PGCKA1: variants seen among roughly 807,000 people sequenced by gnomAD.
PGCKA1 encodes the protein PDCD10 and GCKIII kinases associated 1.
chr4:37,533,551 C>T, the PGCKA1 span, among the ~76,000 whole-genome samples: 1 of 152,152 alleles, frequency 6.6e-6, no homozygotes, highest in African/African-American at 2.4e-5. Flanking sequence ...TATAAATAAG[C>T]AAACATTCTT....
the PGCKA1 span, among the ~76,000 whole-genome samples, chr4:37,543,116 C>A: frequency 1.6e-4 from 24 of 152,308 alleles, no homozygotes; most frequent in South Asian, 5.0e-3. Flanking sequence ...TTTTTCTTTT[C>A]TCAAACGAAA....
chr4:37,573,079 A>T, the PGCKA1 span, among the ~76,000 whole-genome samples: 1 of 152,242 alleles, frequency 6.6e-6, no homozygotes. Context: ...GCTGCATTTC[A>T]AAGTAAGTTG....
chr4:37,509,126 A>G, the PGCKA1 span, among the ~76,000 whole-genome samples: 1 of 150,516 alleles, frequency 6.6e-6, no homozygotes, highest in East Asian at 1.9e-4. Flanking sequence ...TCTTCCCCAC[A>G]TTTCCCCCTT....
At chr4:37,493,051 GATATAT>G in the PGCKA1 span, among the ~76,000 whole-genome samples, 8 of 152,008 alleles carry the variant, frequency 5.3e-5, no homozygotes, top group East Asian at 9.6e-4. Context: ...TATGTGTATA[GATATAT>G]ATATGTATAT....
At chr4:37,479,792 C>A in the PGCKA1 span, among the ~76,000 whole-genome samples, 1 of 152,120 alleles carries the variant, frequency 6.6e-6, no homozygotes, top group Non-Finnish European at 1.5e-5. Context: ...AGGGAATCTA[C>A]TGAAAGATCT....
At chr4:37,534,867 A>G in the PGCKA1 span, among the ~76,000 whole-genome samples, 1 of 152,236 alleles carries the variant, frequency 6.6e-6, no homozygotes, top group Non-Finnish European at 1.5e-5. Flanking sequence ...TTGGAGGGAC[A>G]CTAGTGTTCA....
chr4:37,574,113 G>A, the PGCKA1 span, among the ~76,000 whole-genome samples: 2 of 152,028 alleles, frequency 1.3e-5, no homozygotes, highest in Non-Finnish European at 2.9e-5. Context: ...GCTTGAACCT[G>A]GGAGGCGGAG....
the PGCKA1 span, among the ~76,000 whole-genome samples, chr4:37,507,679 T>A: frequency 2.0e-5 from 3 of 152,196 alleles, 1 homozygote; most frequent in South Asian, 6.2e-4. Flanking sequence ...GTTCATCTTT[T>A]AGTCTTTCTG....
the PGCKA1 span, among the ~76,000 whole-genome samples, chr4:37,570,005 A>G: frequency 8.3e-5 from 10 of 120,908 alleles, no homozygotes; most frequent in Non-Finnish European, 1.5e-4. Context: ...TTTGAGACGG[A>G]GTCTCGCTCT....
chr4:37,590,709 G>A, the PGCKA1 span: 1 of 1,614,162 alleles, frequency 6.2e-7, no homozygotes, highest in Non-Finnish European at 8.5e-7. Context: ...AATCCCTAGA[G>A]GGAATTCAGC....
the PGCKA1 span, among the ~76,000 whole-genome samples, chr4:37,466,582 T>C: frequency 6.6e-6 from 1 of 152,190 alleles, no homozygotes; most frequent in African/African-American, 2.4e-5. Flanking sequence ...AAGGGACTAT[T>C]GCAGAAGAAG....
At chr4:37,530,604 G>A in the PGCKA1 span, among the ~76,000 whole-genome samples, 1 of 150,310 alleles carries the variant, frequency 6.7e-6, no homozygotes, top group African/African-American at 2.4e-5. Flanking sequence ...AAAAATGCTT[G>A]GGAGCCAGGT....
At chr4:37,487,870 G>A in the PGCKA1 span, among the ~76,000 whole-genome samples, 1 of 152,060 alleles carries the variant, frequency 6.6e-6, no homozygotes, top group Non-Finnish European at 1.5e-5. Flanking sequence ...TTATTGCTCA[G>A]TAGTATAATA....
chr4:37,517,474 T>C, the PGCKA1 span, among the ~76,000 whole-genome samples: 1 of 152,126 alleles, frequency 6.6e-6, no homozygotes, highest in Non-Finnish European at 1.5e-5. Flanking sequence ...CTAATTCTTC[T>C]GCAATTACCA....
At chr4:37,549,946 G>A in the PGCKA1 span, among the ~76,000 whole-genome samples, 1 of 152,158 alleles carries the variant, frequency 6.6e-6, no homozygotes, top group African/African-American at 2.4e-5. Context: ...ATTTAGACTT[G>A]TACAGTAAGG....
the PGCKA1 span, among the ~76,000 whole-genome samples, chr4:37,490,547 G>A: frequency 6.6e-6 from 1 of 152,128 alleles, no homozygotes; most frequent in Non-Finnish European, 1.5e-5. Flanking sequence ...TTAACTCATG[G>A]AGACAGGTAA....
the PGCKA1 span, among the ~76,000 whole-genome samples, chr4:37,562,742 T>G: frequency 6.6e-6 from 1 of 152,344 alleles, no homozygotes; most frequent in African/African-American, 2.4e-5. Context: ...TATGACACTA[T>G]ATTAGTCATG....
the PGCKA1 span, among the ~76,000 whole-genome samples, chr4:37,549,047 C>T: frequency 8.9e-6 from 1 of 112,596 alleles, no homozygotes; most frequent in Admixed American, 9.3e-5. Flanking sequence ...TGCTATATCC[C>T]GGAGTCCCTG....
the PGCKA1 span, among the ~76,000 whole-genome samples, chr4:37,570,230 C>G: frequency 1.4e-5 from 2 of 141,378 alleles, no homozygotes; most frequent in Non-Finnish European, 3.0e-5. Flanking sequence ...GATCTCCTGA[C>G]CTTTTGAGCC....
Sources: allele counts gnomAD v4.1 joint callset (sites outside exome capture counted in the v4.1 genomes callset), GRCh38; gene constraint gnomAD v4.1.1; transcripts MANE v1.5; gene names NCBI Gene and HGNC (gene_info 2026-07-23, HGNC 2026-07-21).